The following RBBP8 variants were observed in gnomAD, a reference collection of about 807,000 sequenced individuals.
RBBP8 encodes the protein RB binding protein 8, endonuclease, also known as DNA endonuclease RBBP8.
Under a neutral mutation model 108.3 loss-of-function variants are expected in RBBP8, and 88 were observed. The ratio of observed to expected loss-of-function variants is 0.81; its 90% CI spans 0.68 to 0.97. The LOEUF (loss-of-function observed/expected upper bound fraction) is 0.97. Ranked by LOEUF, RBBP8 falls within the 50% of genes least tolerant of loss-of-function variation. The pLI is 0.00. For synonymous variants in RBBP8, 332 were observed against 348.2 expected, an observed-to-expected ratio of 0.95 and a Z score of 0.52; for missense variants, 1,023 against 1,049.0, an observed-to-expected ratio of 0.98 and a Z score of 0.34.
chr18:22,956,504 A>G (rs1044427982), intron 4 of RBBP8, among the ~76,000 whole-genome samples: 1 of 151,994 alleles, frequency 6.6e-6, no homozygotes, highest in African/African-American at 2.4e-5. Flanking sequence ...TGCCTGGCTA[A>G]TTTTTTTGTT....
intron 8 of RBBP8, among the ~76,000 whole-genome samples, chr18:22,988,948 G>A (rs914833942): frequency 6.6e-6 from 1 of 152,112 alleles, no homozygotes; most frequent in African/African-American, 2.4e-5. Flanking sequence ...TTCCCCAGTG[G>A]CAATAAGAAA....
At chr18:22,932,169 GA>G (rs1184664447), upstream of RBBP8, among the ~76,000 whole-genome samples, 2 of 152,216 alleles carry the variant, frequency 1.3e-5, no homozygotes, top group South Asian at 4.1e-4. Flanking sequence ...GAGGCCATAG[GA>G]ACAGGTTGGG....
chr18:22,934,950 A>T (rs1910404743), intron 1 of RBBP8, among the ~76,000 whole-genome samples: 2 of 148,586 alleles, frequency 1.3e-5, no homozygotes, highest in South Asian at 4.2e-4. Flanking sequence ...AATATTCTAT[A>T]ATATATAATT....
intron 8 of RBBP8, among the ~76,000 whole-genome samples, chr18:22,985,989 C>T (rs1252232441): frequency 6.6e-6 from 1 of 151,042 alleles, no homozygotes; most frequent in Non-Finnish European, 1.5e-5. Flanking sequence ...TAGACATTTC[C>T]CCCCTCCCCC....
intron 9 of RBBP8, 103 bp downstream of exon 9, chr18:22,989,421 G>T: frequency 2.4e-6 from 2 of 838,994 alleles, no homozygotes; most frequent in Non-Finnish European, 3.9e-6. Flanking sequence ...TAAAGATCTT[G>T]GGTAAAGGCC....
At chr18:22,966,517 T>G (rs1163005727) in intron 4 of RBBP8, among the ~76,000 whole-genome samples, 1 of 149,476 alleles carries the variant, frequency 6.7e-6, no homozygotes, top group Non-Finnish European at 1.5e-5. Context: ...GGTGGGAGGA[T>G]CACTTGAGCT....
chr18:22,929,465 G>GGTGTGTGT (rs1165994615), upstream of RBBP8: 1 of 110,714 alleles, frequency 9.0e-6, no homozygotes, highest in African/African-American at 4.2e-5. Flanking sequence ...TGTTTGGGCA[G>GGTGTGTGT]GTGTGTGTGT....
intron 1 of RBBP8, chr18:22,915,310 TAAA>T (rs1909313248): frequency 6.6e-6 from 1 of 152,132 alleles, no homozygotes; most frequent in East Asian, 1.9e-4. Context: ...TCAAAGGCTA[TAAA>T]ATTATTTTCT....
At chr18:23,015,861 G>A (rs936151119) in intron 16 of RBBP8, among the ~76,000 whole-genome samples, 2 of 152,032 alleles carry the variant, frequency 1.3e-5, no homozygotes, top group East Asian at 1.9e-4. Flanking sequence ...CTGTAGCTTC[G>A]TATATTTTCA....
chr18:22,937,376 G>C (rs1910664576), intron 2 of RBBP8, among the ~76,000 whole-genome samples: 1 of 150,598 alleles, frequency 6.6e-6, no homozygotes, highest in African/African-American at 2.4e-5. Flanking sequence ...AAATAATTTT[G>C]TTCTTTTTTA....
chr18:22,976,544 A>G (rs574361274), intron 6 of RBBP8, among the ~76,000 whole-genome samples: 3 of 152,222 alleles, frequency 2.0e-5, no homozygotes, highest in South Asian at 2.1e-4. Context: ...GAAAATATCA[A>G]TGTGTTTGAT....
At chr18:22,927,343 G>T (rs1181848977) in intron 3 of RBBP8, among the ~76,000 whole-genome samples, 1 of 152,162 alleles carries the variant, frequency 6.6e-6, no homozygotes. Flanking sequence ...GATGATGCAG[G>T]GAGCAGGACA....
upstream of RBBP8, among the ~76,000 whole-genome samples, chr18:22,930,230 A>G (rs1431786296): frequency 6.6e-6 from 1 of 152,260 alleles, no homozygotes; most frequent in Non-Finnish European, 1.5e-5. Context: ...TCAGCATTCT[A>G]GCCAGGGGCC....
intron 13 of RBBP8, 147 bp from the exon 14 acceptor site, chr18:22,997,473 G>T: frequency 1.6e-6 from 1 of 642,236 alleles, no homozygotes; most frequent in Admixed American, 2.7e-5. Context: ...TTACCTGTTC[G>T]TAAAGTATAA....
chr18:23,014,967 C>T (rs891701433), intron 16 of RBBP8, among the ~76,000 whole-genome samples: 1 of 152,090 alleles, frequency 6.6e-6, no homozygotes, highest in Non-Finnish European at 1.5e-5. Flanking sequence ...TTCACTGCAG[C>T]CTCAAACTCC....
chr18:22,932,896 C>T (rs995757316), upstream of RBBP8, among the ~76,000 whole-genome samples: 1 of 152,230 alleles, frequency 6.6e-6, no homozygotes, highest in Non-Finnish European at 1.5e-5. Context: ...TATGGCGTTA[C>T]CGCACAACCC....
At chr18:22,990,238 C>G (rs1915587757) in intron 9 of RBBP8, among the ~76,000 whole-genome samples, 1 of 152,166 alleles carries the variant, frequency 6.6e-6, no homozygotes, top group Non-Finnish European at 1.5e-5. Context: ...CCAATAGCAT[C>G]TGCATCAGTT....
chr18:22,989,328 T>A lies in RBBP8; in HGVS notation c.807+10T>A. ...TGTTCAAGAAGAATCTGTAAGTAATTGTTTAGTTTGGCAATAACATGAATT... is the reference window on the plus strand; with the variant it reads ...TGTTCAAGAAGAATCTGTAAGTAATAGTTTAGTTTGGCAATAACATGAATT... On this transcript the variant is annotated intron_variant, in intron 9 of 18. Transcript: ENST00000327155. 6.4e-7 allele frequency: 1 copy of A among 1,557,728 alleles called. No homozygotes were observed. Among genetic ancestry groups the A allele is most frequent in the Non-Finnish European group, 8.9e-7 (1 of 1,129,544 alleles).
chr18:23,022,302 A>C lies in RBBP8; in HGVS notation c.2596+32A>C, dbSNP rs766682627. 6 of 1,577,770 alleles carry C rather than the reference A, an allele frequency of 3.8e-6. No individual in the cohort carries two copies. In the Admixed American group the frequency reaches 1.0e-4, roughly 27 times the overall value. The stretch of plus-strand genomic sequence containing the variant: ...GTATAGATTGTAACATTTTATAATT[A>C]TTTTTTTTAAATACTTGGCCGGGCA... On this transcript the variant is annotated intron_variant, in intron 18 of 18. Coordinates refer to ENST00000327155, the MANE Select transcript of RBBP8 (RefSeq NM_002894.3).
Sources: gnomAD v4.1 joint callset for allele counts (sites outside exome capture counted in the v4.1 genomes callset) on GRCh38, gnomAD v4.1.1 for gene constraint, MANE v1.5 for transcripts, NCBI Gene and HGNC (gene_info 2026-07-23, HGNC 2026-07-21) for gene names.